YPEL1: variants seen among roughly 807,000 people sequenced by gnomAD.
YPEL1 encodes yippee like 1.
YPEL1 carries 7 observed loss-of-function variants against 17.3 expected under a neutral mutation model. That is an observed-to-expected ratio of 0.40 (90% CI 0.23 to 0.76). The LOEUF (loss-of-function observed/expected upper bound fraction) is 0.76, where lower values mean the gene tolerates loss of function less well. Among genes scored for constraint, YPEL1 ranks in the 30% least tolerant of loss-of-function variants. The pLI is 0.35. For missense variants in YPEL1, 91 were observed against 155.5 expected, an observed-to-expected ratio of 0.59 and a Z score of 2.21; for synonymous variants, 59 against 59.6, an observed-to-expected ratio of 0.99 and a Z score of 0.05.
At chr22:21,709,330 C>T (rs1358323640) in intron 2 of YPEL1, among the ~76,000 whole-genome samples, 2 of 152,212 alleles carry the variant, frequency 1.3e-5, no homozygotes, top group Admixed American at 6.5e-5. Context: ...TCCCAGTGCA[C>T]ACAGGAGCCC....
At chr22:21,717,948 G>C (rs931651301) in intron 1 of YPEL1, among the ~76,000 whole-genome samples, 1 of 148,332 alleles carries the variant, frequency 6.7e-6, no homozygotes, top group African/African-American at 2.4e-5. Context: ...GCAACAGTGA[G>C]ACCCTGTCTC....
intron 1 of YPEL1, among the ~76,000 whole-genome samples, chr22:21,724,773 G>A (rs147441771): frequency 6.6e-6 from 1 of 151,502 alleles, no homozygotes; most frequent in Non-Finnish European, 1.5e-5. Flanking sequence ...TAGAGACAAG[G>A]TTTCACTATG....
At chr22:21,701,492 A>G (rs1044603909) in intron 4 of YPEL1, among the ~76,000 whole-genome samples, 4 of 152,136 alleles carry the variant, frequency 2.6e-5, no homozygotes, top group African/African-American at 9.7e-5. Flanking sequence ...TTGTTTTGAG[A>G]TAAGGTCTCA....
chr22:21,732,569 G>T (rs1315727118), intron 1 of YPEL1, among the ~76,000 whole-genome samples: 1 of 152,142 alleles, frequency 6.6e-6, no homozygotes, highest in African/African-American at 2.4e-5. Context: ...ATCACTTGAG[G>T]TCAGGAGATT....
chr22:21,698,381 A>C lies in YPEL1; in HGVS notation c.*2748T>G, dbSNP rs1401625977. The C allele has an allele frequency of 1.3e-5, 2 of 152,356 alleles. No individual in the cohort carries two copies. The highest frequency in any genetic ancestry group is 3.7e-4 in the East Asian group (2 of 5,336). 9.4% of individuals were successfully genotyped at this position (152,356 alleles called of 1,614,324 possible). A position where few individuals can be genotyped will look rare whatever the true frequency, so the allele number is the denominator to read the frequency against. On this transcript the variant is annotated 3_prime_UTR_variant, in exon 5 of 5. Transcript: ENST00000339468. ...AATAGAAGGAGCAGCGAACTTGCCC[A>C]AAACAGAAAAGCTCTAAATAGAACT...
chr22:21,704,658 GAAAA>G (rs34942655), intron 2 of YPEL1, among the ~76,000 whole-genome samples: 1 of 88,162 alleles, frequency 1.1e-5, no homozygotes, highest in Non-Finnish European at 2.3e-5. Context: ...ACCCCGTCTC[GAAAA>G]AAAAAAAAAA....
At chr22:21,733,735 G>T (rs2068410586) in intron 1 of YPEL1, among the ~76,000 whole-genome samples, 1 of 152,034 alleles carries the variant, frequency 6.6e-6, no homozygotes. Context: ...AAACCAATTT[G>T]TTTGTTGAAA....
At chr22:21,726,478 AGGT>A (rs1250716460) in intron 1 of YPEL1, among the ~76,000 whole-genome samples, 1 of 152,150 alleles carries the variant, frequency 6.6e-6, no homozygotes, top group Non-Finnish European at 1.5e-5. Context: ...TCCAGAGCAC[AGGT>A]GCTCTCCGCT....
chr22:21,715,499 A>C (rs1011957830), intron 1 of YPEL1, among the ~76,000 whole-genome samples: 16 of 152,002 alleles, frequency 1.1e-4, no homozygotes, highest in South Asian at 2.1e-4. Context: ...TCTCAAGAAA[A>C]AACAACAACA....
rs2068086037 is a variant in YPEL1, at chr22:21,703,549, G to A, written c.162-71C>T. The stretch of plus-strand genomic sequence containing the variant: ...TGACCAGGCCCTGCCCCCTCAGCGG[G>A]CCCCACCCCATCCTCCTAAGAGTTC... On this transcript the variant is annotated intron_variant, in intron 3 of 4. Coordinates refer to ENST00000339468, the MANE Select transcript of YPEL1 (RefSeq NM_013313.5). This position sits in a 1 kb window ranked among gnomAD's most constrained non-coding sequence, Gnocchi z 6.1. 1 of 1,399,340 alleles carries A rather than the reference G, an allele frequency of 7.1e-7. No homozygotes were observed. Among genetic ancestry groups the A allele is most frequent in the East Asian group, 2.3e-5 (1 of 43,456 alleles). 86.7% of individuals were successfully genotyped at this position (1,399,340 alleles called of 1,614,324 possible). A position where few individuals can be genotyped will look rare whatever the true frequency, so the allele number is the denominator to read the frequency against.
chr22:21,730,805 C>T (rs937258399), intron 1 of YPEL1, among the ~76,000 whole-genome samples: 11 of 152,218 alleles, frequency 7.2e-5, no homozygotes, highest in Non-Finnish European at 1.2e-4. Flanking sequence ...GTAGACTCCC[C>T]ACCAGCCCCT....
intron 1 of YPEL1, among the ~76,000 whole-genome samples, chr22:21,721,470 C>A (rs1462111206): frequency 1.3e-5 from 2 of 150,656 alleles, no homozygotes; most frequent in African/African-American, 2.5e-5. Flanking sequence ...GTCACTCAGG[C>A]TGGAGTACAG....
At chr22:21,717,433 T>C (rs980430571) in intron 1 of YPEL1, among the ~76,000 whole-genome samples, 1 of 147,192 alleles carries the variant, frequency 6.8e-6, no homozygotes, top group African/African-American at 2.5e-5. Context: ...AGTCTTAAAC[T>C]AAGAGATGTG....
At chr22:21,713,705 T>C (rs1458882757) in intron 1 of YPEL1, among the ~76,000 whole-genome samples, 1 of 152,184 alleles carries the variant, frequency 6.6e-6, no homozygotes, top group Non-Finnish European at 1.5e-5. Flanking sequence ...ACTGTACACT[T>C]AGAAATGGTT....
intron 1 of YPEL1, among the ~76,000 whole-genome samples, chr22:21,732,009 A>G (rs943284491): frequency 4.6e-5 from 7 of 152,202 alleles, no homozygotes; most frequent in African/African-American, 1.7e-4. Context: ...AAGGCCCTGC[A>G]GGTGCCAGAG....
In YPEL1 at chr22:21,710,921, C is replaced by A; in HGVS notation, c.-164-13G>T. ...AGAAAAACGTAACCTGCCAACCAAT[C>A]AGACAAAGTGGTGGGTTACAGAGAG... On this transcript the variant is annotated splice_polypyrimidine_tract_variant and intron_variant, in intron 1 of 4. Coordinates refer to ENST00000339468, the MANE Select transcript of YPEL1 (RefSeq NM_013313.5). 1 of 647,126 alleles carries A rather than the reference C, an allele frequency of 1.5e-6. No homozygotes were observed. Among genetic ancestry groups the A allele is most frequent in the African/African-American group, 1.8e-5 (1 of 55,824 alleles). 40.1% of individuals were successfully genotyped at this position (647,126 alleles called of 1,614,324 possible).
chr22:21,717,269 A>T (rs1181157509), intron 1 of YPEL1, among the ~76,000 whole-genome samples: 1 of 151,296 alleles, frequency 6.6e-6, no homozygotes, highest in East Asian at 2.0e-4. Context: ...TCAGCTACTC[A>T]GGAGGCTGAG....
intron 4 of YPEL1, among the ~76,000 whole-genome samples, chr22:21,702,057 A>G (rs1053280999): frequency 1.3e-5 from 2 of 152,122 alleles, no homozygotes; most frequent in African/African-American, 4.8e-5. Flanking sequence ...TATCTGGAGA[A>G]GGTCCTTCAT....
At chr22:21,717,246 T>G (rs1426267114) in intron 1 of YPEL1, among the ~76,000 whole-genome samples, 2 of 151,814 alleles carry the variant, frequency 1.3e-5, no homozygotes, top group Non-Finnish European at 2.9e-5. Context: ...CGTGGTGGTG[T>G]CTGCCTGTAG....
Sources: allele counts gnomAD v4.1 joint callset (sites outside exome capture counted in the v4.1 genomes callset), GRCh38; gene constraint gnomAD v4.1.1; non-coding constraint Gnocchi (gnomAD v3.1); transcripts MANE v1.5; gene names NCBI Gene and HGNC (gene_info 2026-07-23, HGNC 2026-07-21).